The following HDAC4 variants were observed in gnomAD, a reference collection of about 807,000 sequenced individuals.
HDAC4 encodes histone deacetylase 4.
Under a neutral mutation model 135.1 loss-of-function variants are expected in HDAC4, and 16 were observed. The ratio of observed to expected loss-of-function variants is 0.12; its 90% confidence interval spans 0.08 to 0.18. The LOEUF is 0.18. Ranked by LOEUF, HDAC4 falls within the 10% of genes least tolerant of loss-of-function variation. The pLI is 1.00. For missense variants in HDAC4, 1,143 were observed against 1,511.8 expected (o/e 0.76, Z 4.05); for synonymous variants, 685 against 653.4 (o/e 1.05, Z -0.74).
chr2:239,166,232 G>T (rs1353387890), intron 5 of HDAC4, among the ~76,000 whole-genome samples: 1 of 152,092 alleles, frequency 6.6e-6, no homozygotes, highest in Non-Finnish European at 1.5e-5. Context: ...CTGGAAACAG[G>T]GTCTACCCAG....
intron 2 of HDAC4, among the ~76,000 whole-genome samples, chr2:239,277,682 G>A (rs1456796973): frequency 6.6e-6 from 1 of 152,174 alleles, no homozygotes; most frequent in African/African-American, 2.4e-5. Context: ...GCCTGGTGTA[G>A]CCACAAGGAC....
chr2:239,252,446 G>T (rs963274965), intron 2 of HDAC4, among the ~76,000 whole-genome samples: 1 of 152,240 alleles, frequency 6.6e-6, no homozygotes, highest in Non-Finnish European at 1.5e-5. Context: ...CACAGCCCAC[G>T]TTGTGGGAGC....
chr2:239,166,356 GCTCT>G (rs1559543634), intron 5 of HDAC4, among the ~76,000 whole-genome samples: 1 of 152,128 alleles, frequency 6.6e-6, no homozygotes, highest in Non-Finnish European at 1.5e-5. Flanking sequence ...CAGGCTCAGG[GCTCT>G]CTGTCGGTCT....
Position 239,364,812 on chromosome 2 carries a change from T to C in HDAC4, c.-219-11894A>G, listed in dbSNP as rs201817459. Among the ~76,000 whole-genome samples, 4 of 152,386 alleles carry C rather than the reference T, an allele frequency of 2.6e-5. No homozygotes were observed. In the East Asian group the frequency reaches 7.7e-4, roughly 29 times the overall value. On this transcript the variant is annotated intron_variant, in intron 1 of 26. Coordinates refer to ENST00000543185, the MANE Select transcript of HDAC4 (RefSeq NM_001378414.1). ...CTTTCCAGACAGTGAGGAAGTATTTTATAATTCTTGCCACCATTTCTTACA... is the reference window on the plus strand; with the variant it reads ...CTTTCCAGACAGTGAGGAAGTATTTCATAATTCTTGCCACCATTTCTTACA...
chr2:239,120,650 G>A (rs2039601645), intron 12 of HDAC4, among the ~76,000 whole-genome samples: 1 of 151,142 alleles, frequency 6.6e-6, no homozygotes, highest in Non-Finnish European at 1.5e-5. Context: ...GGGGGAGGAA[G>A]GCTAGGACCT....
At chr2:239,289,196 C>A (rs1394098609) in intron 2 of HDAC4, among the ~76,000 whole-genome samples, 1 of 152,146 alleles carries the variant, frequency 6.6e-6, no homozygotes, top group Non-Finnish European at 1.5e-5. Context: ...TGATCCCCAC[C>A]CTGCACCCCA....
intron 13 of HDAC4, among the ~76,000 whole-genome samples, chr2:239,112,110 A>G (rs1186637196): frequency 6.6e-6 from 1 of 152,230 alleles, no homozygotes; most frequent in African/African-American, 2.4e-5. Flanking sequence ...GAGCAGGTGC[A>G]GGGGAGTAGG....
chr2:239,190,169 CGGGGCG>C, intron 3 of HDAC4, 92 bp from the exon 4 acceptor site: 1 of 1,291,484 alleles, frequency 7.7e-7, no homozygotes, highest in Non-Finnish European at 1.0e-6. Flanking sequence ...GCCACCTTCA[CGGGGCG>C]GGGGGGGGGT....
At chr2:239,357,557 T>G (rs1413213433) in intron 1 of HDAC4, among the ~76,000 whole-genome samples, 4 of 151,026 alleles carry the variant, frequency 2.6e-5, no homozygotes, top group African/African-American at 9.7e-5. Context: ...GCAGAGCTGA[T>G]AAAGAGAAAA....
chr2:239,378,297 G>T (rs889717431), intron 1 of HDAC4, among the ~76,000 whole-genome samples: 11 of 152,320 alleles, frequency 7.2e-5, no homozygotes, highest in African/African-American at 2.4e-4. Context: ...AGGGTGGGGA[G>T]GGCACTAAAG....
intron 3 of HDAC4, among the ~76,000 whole-genome samples, chr2:239,225,616 G>T (rs2047198131): frequency 1.3e-5 from 2 of 152,236 alleles, no homozygotes; most frequent in African/African-American, 2.4e-5. Flanking sequence ...GGTCGGCAGG[G>T]GAGGGCAGGC....
intron 20 of HDAC4, 128 bp downstream of exon 20, chr2:239,084,027 T>A: frequency 1.4e-6 from 1 of 733,462 alleles, no homozygotes; most frequent in South Asian, 1.5e-5. Context: ...TCCGCATCTT[T>A]GAGACCGTTT....
intron 3 of HDAC4, among the ~76,000 whole-genome samples, chr2:239,214,166 G>C (rs147321904): frequency 2.6e-5 from 4 of 152,314 alleles, no homozygotes; most frequent in Admixed American, 6.5e-5. Context: ...AAAGCCAGCA[G>C]GGCTGTGCTT....
chr2:239,112,753 G>A (rs531475071), intron 13 of HDAC4, among the ~76,000 whole-genome samples: 2 of 152,346 alleles, frequency 1.3e-5, no homozygotes, highest in South Asian at 2.1e-4. Context: ...AAAGAAAGCC[G>A]GGCGCCTCCT....
intron 2 of HDAC4, among the ~76,000 whole-genome samples, chr2:239,326,998 C>T (rs1004969543): frequency 6.6e-6 from 1 of 152,246 alleles, no homozygotes; most frequent in Non-Finnish European, 1.5e-5. Context: ...ATGAGAGGCA[C>T]AGTCTGAACG....
intron 2 of HDAC4, among the ~76,000 whole-genome samples, chr2:239,294,914 G>A (rs112885011): frequency 6.6e-6 from 1 of 152,208 alleles, no homozygotes; most frequent in Admixed American, 6.5e-5. Flanking sequence ...GGGTGTGTGG[G>A]AGGCCCGGGA....
chr2:239,053,564 T>C lies in HDAC4; in HGVS notation c.3126A>G (p.Thr1042=). The C allele has an allele frequency of 1.2e-6, 2 of 1,613,916 alleles. No individual in the cohort carries two copies. The highest frequency in any genetic ancestry group is 1.7e-6 in the Non-Finnish European group (2 of 1,179,976). ...YWRCLQRTTS[T]AGRSLIEAQT... ...GAGCCTCGATCAGAGAACGCCCCGC[T>C]GTGGAGGTTGTGCGCTGCAGGCAGC... Residue 1042 remains threonine, a synonymous_variant, in exon 26 of 27, where the codon ACA becomes ACG. Coordinates refer to ENST00000543185, the MANE Select transcript of HDAC4 (RefSeq NM_001378414.1).
chr2:239,132,058 T>C (rs1275128123), intron 11 of HDAC4, among the ~76,000 whole-genome samples: 1 of 151,924 alleles, frequency 6.6e-6, no homozygotes, highest in Non-Finnish European at 1.5e-5. Context: ...GGAGGGCCCC[T>C]GAGACACTGA....
At chr2:239,389,044 C>G (rs187133967) in intron 1 of HDAC4, among the ~76,000 whole-genome samples, 1 of 152,154 alleles carries the variant, frequency 6.6e-6, no homozygotes, top group African/African-American at 2.4e-5. Flanking sequence ...ACTTCTGGGT[C>G]GGGTGGGGAC....
Sources: gnomAD v4.1 joint callset for allele counts (sites outside exome capture counted in the v4.1 genomes callset) on GRCh38, gnomAD v4.1.1 for gene constraint, MANE v1.5 for transcripts, NCBI Gene and HGNC (gene_info 2026-07-23, HGNC 2026-07-21) for gene names.